Variants in PPP3CA observed in about 807,000 individuals in gnomAD.
The protein encoded by PPP3CA is CAM-PRP catalytic subunit.
A neutral mutation model predicts 66.5 loss-of-function variants in PPP3CA; 14 were observed. The observed-to-expected ratio is 0.21, with a 90% CI of 0.14 to 0.33. The LOEUF is 0.33. Ranked by LOEUF, PPP3CA falls within the 10% of genes least tolerant of loss-of-function variation. PPP3CA has a pLI of 1.00. For missense variants in PPP3CA, 317 were observed against 639.5 expected, an observed-to-expected ratio of 0.50 and a Z score of 5.44; for synonymous variants, 232 against 226.2, an observed-to-expected ratio of 1.03 and a Z score of -0.23.
At chr4:101,041,953 C>T (rs1188555842) in intron 10 of PPP3CA, among the ~76,000 whole-genome samples, 1 of 151,958 alleles carries the variant, frequency 6.6e-6, no homozygotes, top group Non-Finnish European at 1.5e-5. Flanking sequence ...TAGATGATAA[C>T]TGGTATGTGT....
chr4:101,243,225 C>G (rs1385888303), intron 1 of PPP3CA, among the ~76,000 whole-genome samples: 1 of 152,232 alleles, frequency 6.6e-6, no homozygotes, highest in Admixed American at 6.5e-5. Context: ...AGGCAGCTCC[C>G]TGACTCCCAT....
intron 2 of PPP3CA, among the ~76,000 whole-genome samples, chr4:101,109,288 C>G (rs1487641164): frequency 7.4e-6 from 1 of 134,564 alleles, no homozygotes; most frequent in Non-Finnish European, 1.5e-5. Flanking sequence ...ATGTCTGAGT[C>G]CACTAGTATA....
intron 4 of PPP3CA, among the ~76,000 whole-genome samples, chr4:101,099,141 G>A (rs950295316): frequency 2.6e-5 from 4 of 152,032 alleles, no homozygotes; most frequent in Admixed American, 2.6e-4. Flanking sequence ...ATTGTAAGGA[G>A]GAAAAAGAAA....
At chr4:101,189,687 C>CAAAAAAAAAAA (rs554383258) in intron 2 of PPP3CA, among the ~76,000 whole-genome samples, 18 of 72,580 alleles carry the variant, frequency 2.5e-4, no homozygotes, top group East Asian at 8.3e-4. Flanking sequence ...TAGTGAACGG[C>CAAAAAAAAAAA]AAAAAAAAAA....
At chr4:101,275,968 C>T (rs1301060820) in intron 1 of PPP3CA, among the ~76,000 whole-genome samples, 51 of 151,048 alleles carry the variant, frequency 3.4e-4, no homozygotes, top group South Asian at 1.9e-3. Context: ...AATCATAGTT[C>T]ACTGCAGCCT....
intron 1 of PPP3CA, among the ~76,000 whole-genome samples, chr4:101,218,893 C>T (rs1299538832): frequency 2.6e-5 from 4 of 152,054 alleles, no homozygotes. Flanking sequence ...ATATTCTCTA[C>T]CACTATTTGT....
At chr4:101,105,757 A>AT (rs1730638445) in intron 3 of PPP3CA, among the ~76,000 whole-genome samples, 1 of 152,184 alleles carries the variant, frequency 6.6e-6, no homozygotes. Flanking sequence ...GTGACCTTTG[A>AT]TTACCTTTAG....
chr4:101,215,313 G>T (rs1246258376), intron 1 of PPP3CA, among the ~76,000 whole-genome samples: 1 of 151,832 alleles, frequency 6.6e-6, no homozygotes, highest in Non-Finnish European at 1.5e-5. Flanking sequence ...CTAGCCAAAG[G>T]CATTAAGCAA....
chr4:101,275,896 TTG>T (rs1727479492), intron 1 of PPP3CA, among the ~76,000 whole-genome samples: 1 of 149,108 alleles, frequency 6.7e-6, no homozygotes, highest in East Asian at 1.9e-4. Context: ...TGTTTGTTTT[TTG>T]TTTTTTGTTT....
chr4:101,289,620 A>C (rs534646143), intron 1 of PPP3CA, among the ~76,000 whole-genome samples: 3 of 152,208 alleles, frequency 2.0e-5, no homozygotes, highest in Non-Finnish European at 4.4e-5. Flanking sequence ...AATGAGTCAA[A>C]GATTGTAAAT....
intron 1 of PPP3CA, among the ~76,000 whole-genome samples, chr4:101,333,270 GTTTT>G (rs70961788): frequency 1.7e-4 from 8 of 47,270 alleles, no homozygotes; most frequent in East Asian, 9.3e-4. Flanking sequence ...ACCATGCCCA[GTTTT>G]TTTTTTTTTT....
chr4:101,299,530 T>C (rs973661205), intron 1 of PPP3CA, among the ~76,000 whole-genome samples: 3 of 152,070 alleles, frequency 2.0e-5, no homozygotes, highest in African/African-American at 7.2e-5. Context: ...ATTATAATCA[T>C]ATGGGACCCT....
At chr4:101,168,094 AG>A (rs1290795006) in intron 2 of PPP3CA, among the ~76,000 whole-genome samples, 2 of 152,142 alleles carry the variant, frequency 1.3e-5, no homozygotes, top group East Asian at 1.9e-4. Context: ...CTTTAGATAG[AG>A]GCCACTGCAA....
At chr4:101,163,428 C>G (rs146552098) in intron 2 of PPP3CA, among the ~76,000 whole-genome samples, 1 of 152,228 alleles carries the variant, frequency 6.6e-6, no homozygotes, top group African/African-American at 2.4e-5. Context: ...GCCCACAAGT[C>G]AAAGTTGTGG....
intron 1 of PPP3CA, among the ~76,000 whole-genome samples, chr4:101,214,455 A>G (rs1725397940): frequency 6.6e-6 from 1 of 152,126 alleles, no homozygotes; most frequent in South Asian, 2.1e-4. Context: ...AAAATCAGAA[A>G]CATATAGCAA....
At position 101,222,712 on chromosome 4, in the gene PPP3CA, G is replaced by A. The variant is rs752562755; in HGVS notation, c.59-26596C>T. 5.3e-5 allele frequency among the ~76,000 whole-genome samples: 8 copies of A among 151,572 alleles called. No individual in the cohort carries two copies. The South Asian group carries it at 8.3e-4, about 16-fold the overall frequency. On this transcript the variant is annotated intron_variant, in intron 1 of 13. Transcript: ENST00000394854. ...CATTTACATCAAAGATAGGCCAATCGTACAAGGATAGTATGAGGATCTACT... is the reference window on the plus strand; with the variant it reads ...CATTTACATCAAAGATAGGCCAATCATACAAGGATAGTATGAGGATCTACT...
rs78137833 is a variant in PPP3CA at position 101,175,463 on chromosome 4, G to C, written c.259+20453C>G. ...GCTCCAAGATTATTCCAGCTGGTCA[G>C]TGGCAGGTCCACCATTCCTTTCAAC... On this transcript the variant is annotated intron_variant, in intron 2 of 13. Transcript: ENST00000394854. 1.7e-3 allele frequency among the ~76,000 whole-genome samples: 255 copies of C among 152,292 alleles called. 1 individual carries two copies. Among genetic ancestry groups the C allele is most frequent in the African/African-American group, 6.1e-3 (252 of 41,556 alleles).
chr4:101,130,532 A>C (rs1722395258), intron 2 of PPP3CA, among the ~76,000 whole-genome samples: 1 of 152,360 alleles, frequency 6.6e-6, no homozygotes, highest in Admixed American at 6.5e-5. Flanking sequence ...ATGGAAGCCC[A>C]TCAGACTAAC....
chr4:101,330,363 A>G (rs1729343207), intron 1 of PPP3CA: 1 of 513,904 alleles, frequency 1.9e-6, no homozygotes, highest in Non-Finnish European at 4.0e-6. Flanking sequence ...TAGAATCTAA[A>G]AAATCTACTT....
Sources: allele counts gnomAD v4.1 joint callset (sites outside exome capture counted in the v4.1 genomes callset), GRCh38; gene constraint gnomAD v4.1.1; transcripts MANE v1.5; gene names NCBI Gene and HGNC (gene_info 2026-07-23, HGNC 2026-07-21).